The following ELFN2 variants were observed in gnomAD, a reference collection of about 807,000 sequenced individuals.
ELFN2 encodes the protein protein phosphatase 1 regulatory subunit 29.
Under a neutral mutation model 45.5 loss-of-function variants are expected in ELFN2, and 17 were observed. The observed-to-expected ratio is 0.37, with a 90% CI of 0.26 to 0.56. The LOEUF is 0.56. Among genes scored for constraint, ELFN2 ranks in the 20% least tolerant of loss-of-function variants. The probability of loss-of-function intolerance (pLI) is 0.77; values close to 1 mark genes in which losing one functional copy is unlikely to be tolerated. For missense variants in ELFN2, 922 were observed against 1,183.2 expected, an observed-to-expected ratio of 0.78 and a Z score of 3.24; for synonymous variants, 550 against 551.5, an observed-to-expected ratio of 1.00 and a Z score of 0.04.
chr22:37,395,418 C>T (rs1015060825), intron 2 of ELFN2, among the ~76,000 whole-genome samples: 31 of 152,320 alleles, frequency 2.0e-4, no homozygotes, highest in Non-Finnish European at 2.9e-4. Context: ...TTCTACCCAT[C>T]TGAGACACGA....
At chr22:37,343,044 GA>G (rs1930599723) in intron 1 of ELFN2, among the ~76,000 whole-genome samples, 1 of 152,168 alleles carries the variant, frequency 6.6e-6, no homozygotes, top group Non-Finnish European at 1.5e-5. Flanking sequence ...CACAGAAACA[GA>G]AAGGAATATG....
At chr22:37,410,736 C>T (rs1256141797) in intron 2 of ELFN2, among the ~76,000 whole-genome samples, 1 of 152,188 alleles carries the variant, frequency 6.6e-6, no homozygotes, top group Non-Finnish European at 1.5e-5. Context: ...ACGAAGCAAC[C>T]GAGGAGCGGA....
chr22:37,372,741 T>G lies in ELFN2; in HGVS notation c.*331A>C. 5.0e-6 allele frequency: 1 copy of G among 198,492 alleles called. No homozygotes were observed. The allele number at this position is 198,492 out of a possible 1,614,324, so 12.3% of individuals were successfully genotyped here. ...GACCCCCCAGACCCCACACCCTCTCTTGGCTTCCTTCCTCCCCCCGCCAGC... is the reference window on the plus strand; with the variant it reads ...GACCCCCCAGACCCCACACCCTCTCGTGGCTTCCTTCCTCCCCCCGCCAGC... On this transcript the variant is annotated 3_prime_UTR_variant, in exon 3 of 3. Transcript: ENST00000402918. This position sits in a 1 kb window ranked among gnomAD's most constrained non-coding sequence, Gnocchi z 4.4.
intron 2 of ELFN2, among the ~76,000 whole-genome samples, chr22:37,384,411 C>T (rs1931878250): frequency 1.3e-5 from 2 of 150,514 alleles, no homozygotes; most frequent in African/African-American, 4.9e-5. Flanking sequence ...AGGAGACTGC[C>T]TCCCTCACCC....
intron 2 of ELFN2, among the ~76,000 whole-genome samples, chr22:37,399,502 CG>C (rs1932307026): frequency 6.8e-6 from 1 of 147,592 alleles, no homozygotes; most frequent in Non-Finnish European, 1.5e-5. Flanking sequence ...CCACCTCCAC[CG>C]ACCACGGGGA....
intron 2 of ELFN2, among the ~76,000 whole-genome samples, chr22:37,379,010 G>A (rs1223837168): frequency 6.6e-6 from 1 of 152,224 alleles, no homozygotes; most frequent in Non-Finnish European, 1.5e-5. Flanking sequence ...ACACAGCAGG[G>A]GGGACAGGGC....
intron 2 of ELFN2, among the ~76,000 whole-genome samples, chr22:37,401,441 TG>T (rs550855188): frequency 3.3e-4 from 50 of 152,292 alleles, no homozygotes; most frequent in African/African-American, 1.1e-3. Flanking sequence ...TGAGGAGGCT[TG>T]GAACAGTTTC....
At chr22:37,426,685 G>A (rs1003584499) in intron 1 of ELFN2, among the ~76,000 whole-genome samples, 2 of 145,334 alleles carry the variant, frequency 1.4e-5, no homozygotes, top group Non-Finnish European at 1.5e-5. Context: ...CAGTGGCCCC[G>A]GCCCTGCCAG....
At chr22:37,400,833 C>T (rs1228297312) in intron 2 of ELFN2, among the ~76,000 whole-genome samples, 1 of 152,218 alleles carries the variant, frequency 6.6e-6, no homozygotes, top group African/African-American at 2.4e-5. Context: ...CAAACGAGGG[C>T]ATTAGCCTGA....
chr22:37,363,360 T>C (rs1444783231), downstream of ELFN2, among the ~76,000 whole-genome samples: 1 of 152,188 alleles, frequency 6.6e-6, no homozygotes, highest in Non-Finnish European at 1.5e-5. Flanking sequence ...GAGTGAGTTT[T>C]CTCCCCCTAG....
chr22:37,391,054 C>T (rs1932074295), intron 2 of ELFN2, among the ~76,000 whole-genome samples: 1 of 152,272 alleles, frequency 6.6e-6, no homozygotes, highest in Non-Finnish European at 1.5e-5. Context: ...CCCTCTCTCT[C>T]CATTCAAACA....
chr22:37,394,705 C>T (rs913415970), intron 2 of ELFN2, among the ~76,000 whole-genome samples: 3 of 152,222 alleles, frequency 2.0e-5, no homozygotes, highest in Non-Finnish European at 4.4e-5. Flanking sequence ...GTCAACAGTG[C>T]CTCATACGCT....
In ELFN2 at chr22:37,373,677, C is replaced by G. The variant is rs772322776; in HGVS notation, c.1858G>C (p.Ala620Pro). The change falls in exon 3 of 3, where the codon GCC becomes CCC. Residue 620 changes from alanine (A) to proline (P), a missense_variant. Transcript: ENST00000402918. ...SHHPLQRQLS[A>P]DAAVTRKTCS... Reference sequence around the variant, plus strand: ...GTCTTGCGGGTCACGGCCGCGTCGGCGCTCAGCTGGCGCTGTAGTGGGTGG... The same window carrying G: ...GTCTTGCGGGTCACGGCCGCGTCGGGGCTCAGCTGGCGCTGTAGTGGGTGG... 1 of 1,569,484 alleles carries G rather than the reference C, an allele frequency of 6.4e-7. No homozygotes were observed. Among genetic ancestry groups the G allele is most frequent in the South Asian group, 1.2e-5 (1 of 83,762 alleles).
intron 2 of ELFN2, among the ~76,000 whole-genome samples, chr22:37,400,993 G>A (rs1432003615): frequency 6.6e-6 from 1 of 152,246 alleles, no homozygotes; most frequent in East Asian, 1.9e-4. Flanking sequence ...CCTGGGGACG[G>A]TGCAGGGGAC....
In ELFN2 at chr22:37,372,993, C is replaced by G; in HGVS notation, c.*79G>C. On this transcript the variant is annotated 3_prime_UTR_variant, in exon 3 of 3. Transcript: ENST00000402918. The surrounding 1 kb of genome is among the most constrained non-coding windows in gnomAD (Gnocchi z 4.4). The stretch of plus-strand genomic sequence containing the variant: ...GGGCCTTGGCCCCCGAGTCTGCTCC[C>G]CGCCCTGGCCGCCTGGACCCTTCCC... 7.4e-6 allele frequency: 11 copies of G among 1,486,854 alleles called. No individual in the cohort carries two copies. The highest frequency in any genetic ancestry group is 9.8e-6 in the Non-Finnish European group (11 of 1,119,352). 92.1% of individuals were successfully genotyped at this position (1,486,854 alleles called of 1,614,324 possible).
intron 1 of ELFN2, among the ~76,000 whole-genome samples, chr22:37,421,557 C>T (rs567510917): frequency 1.5e-4 from 23 of 152,256 alleles, no homozygotes; most frequent in Non-Finnish European, 2.9e-4. Context: ...CAGAGGTTCC[C>T]GTGTCTCACC....
rs1390218444 is a variant in ELFN2 at position 37,374,480 on chromosome 22, C to T, written c.1055G>A (p.Arg352Gln). 1.9e-6 allele frequency: 3 copies of T among 1,614,234 alleles called. No homozygotes were observed. The highest frequency in any genetic ancestry group is 1.6e-4 in the Middle Eastern group (1 of 6,062). Residue 352 changes from arginine to glutamine, a missense_variant, in exon 3 of 3, where the codon CGG (arginine) becomes CAG (glutamine). Transcript: ENST00000402918. ...GCAGAAGGTGTACTCAGTGTGCGCC[C>T]GCAGTTTGTCCAGCGTCACGATCTC... is the stretch of plus-strand genomic sequence containing the variant. ...KKEIVTLDKLRAHTEYTFCVT... is the reference protein window; with the variant it reads ...KKEIVTLDKLQAHTEYTFCVT...
chr22:37,374,585 T>A lies in ELFN2; in HGVS notation c.950A>T (p.His317Leu). 6.2e-7 allele frequency: 1 copy of A among 1,613,878 alleles called. No homozygotes were observed. Among genetic ancestry groups the A allele is most frequent in the Non-Finnish European group, 8.5e-7 (1 of 1,179,976 alleles). Residue 317 changes from histidine (H) to leucine (L), a missense_variant, in exon 3 of 3, where the codon CAC becomes CTC. His to Leu is a moderately conservative substitution (Grantham distance 99). This residue lies in a region of ELFN2 where 358 missense variants were observed against 540.4 expected (regional missense o/e 0.66). Coordinates refer to ENST00000402918, the MANE Select transcript of ELFN2 (RefSeq NM_052906.5). ...TSATLVVIIPHPYSKMYILVQ... is the reference protein window; with the variant it reads ...TSATLVVIIPLPYSKMYILVQ... Reference sequence around the variant, plus strand: ...GAGGATGTACATCTTGCTGTAGGGGTGTGGGATGATGACCACCAGGGTGGC... The same window carrying A: ...GAGGATGTACATCTTGCTGTAGGGGAGTGGGATGATGACCACCAGGGTGGC...
At chr22:37,347,560 G>C (rs554438005) in intron 1 of ELFN2, among the ~76,000 whole-genome samples, 1 of 151,760 alleles carries the variant, frequency 6.6e-6, no homozygotes, top group Non-Finnish European at 1.5e-5. Flanking sequence ...GCCTGCAGCC[G>C]CACCCTCCAT....
Sources: allele counts gnomAD v4.1 joint callset (sites outside exome capture counted in the v4.1 genomes callset), GRCh38; gene constraint gnomAD v4.1.1; regional missense constraint gnomAD v4.1.1; non-coding constraint Gnocchi (gnomAD v3.1); transcripts MANE v1.5; gene names NCBI Gene and HGNC (gene_info 2026-07-23, HGNC 2026-07-21).